ASIC2: variants seen among roughly 807,000 people sequenced by gnomAD.
ASIC2 encodes acid-sensing ion channel 2.
Under a neutral mutation model 57.3 loss-of-function variants are expected in ASIC2, and 25 were observed. The ratio of observed to expected loss-of-function variants is 0.44; its 90% CI spans 0.32 to 0.61. The LOEUF (loss-of-function observed/expected upper bound fraction) is 0.61. Ranked by LOEUF, ASIC2 falls within the 20% of genes least tolerant of loss-of-function variation. ASIC2 has a pLI of 0.06. For synonymous variants in ASIC2, 319 were observed against 307.5 expected (o/e 1.04, Z -0.39); for missense variants, 641 against 738.1 (o/e 0.87, Z 1.52).
chr17:33,497,921 G>T (rs1443935449), intron 1 of ASIC2, among the ~76,000 whole-genome samples: 1 of 152,216 alleles, frequency 6.6e-6, no homozygotes, highest in African/African-American at 2.4e-5. Flanking sequence ...AAGGAACGTG[G>T]TAAGTGATCC....
intron 1 of ASIC2, among the ~76,000 whole-genome samples, chr17:33,853,582 G>T (rs903500301): frequency 1.2e-4 from 18 of 152,316 alleles, no homozygotes; most frequent in African/African-American, 3.4e-4. Flanking sequence ...AGAGTCATGG[G>T]TGGCCCATTA....
At chr17:33,104,857 C>A (rs1419213146) in intron 2 of ASIC2, among the ~76,000 whole-genome samples, 1 of 152,084 alleles carries the variant, frequency 6.6e-6, no homozygotes, top group Non-Finnish European at 1.5e-5. Context: ...TAGGTATGTA[C>A]CCTTGGGAAG....
chr17:33,382,030 T>C (rs1253890595), intron 1 of ASIC2, among the ~76,000 whole-genome samples: 2 of 152,140 alleles, frequency 1.3e-5, no homozygotes, highest in Admixed American at 6.5e-5. Flanking sequence ...TAGGACCCCA[T>C]GTTAGTCCCA....
rs368568182 is a variant in ASIC2, at chr17:34,050,427, G to C, written c.555+105551C>G. Among the ~76,000 whole-genome samples the C allele has an allele frequency of 9.9e-5, 15 of 152,180 alleles. No individual in the cohort carries two copies. The East Asian group carries it at 1.2e-3, about 12-fold the overall frequency. Reference sequence around the variant, plus strand: ...GGGGAGGGGATGTGAAGGCTGGCACGGTTACTCATAAAGCTGCCTGGCTGC... The same window carrying C: ...GGGGAGGGGATGTGAAGGCTGGCACCGTTACTCATAAAGCTGCCTGGCTGC... On this transcript the variant is annotated intron_variant, in intron 1 of 9. Coordinates refer to the ASIC2 transcript ENST00000359872.
intron 1 of ASIC2, among the ~76,000 whole-genome samples, chr17:33,367,357 T>C (rs1011635316): frequency 1.3e-5 from 2 of 152,160 alleles, no homozygotes; most frequent in Non-Finnish European, 2.9e-5. Context: ...ATTGCTCAAG[T>C]GCTGGTGGCA....
intron 1 of ASIC2, among the ~76,000 whole-genome samples, chr17:34,091,290 G>A (rs1567817359): frequency 6.6e-6 from 1 of 152,234 alleles, no homozygotes. Flanking sequence ...ATGAAGATGT[G>A]ATAACCACAT....
intron 1 of ASIC2, among the ~76,000 whole-genome samples, chr17:33,800,347 G>C (rs140114171): frequency 6.6e-6 from 1 of 152,262 alleles, no homozygotes; most frequent in African/African-American, 2.4e-5. Flanking sequence ...GGAGGGCAGA[G>C]TTAGGTTTGG....
At chr17:33,558,271 A>G (rs934896175) in intron 1 of ASIC2, among the ~76,000 whole-genome samples, 1 of 152,068 alleles carries the variant, frequency 6.6e-6, no homozygotes, top group Admixed American at 6.6e-5. Flanking sequence ...AGAGTTTTCT[A>G]TTTTTATTCA....
chr17:33,326,579 T>C (rs1411587372), intron 1 of ASIC2, among the ~76,000 whole-genome samples: 4 of 152,200 alleles, frequency 2.6e-5, no homozygotes, highest in Non-Finnish European at 4.4e-5. Flanking sequence ...CTCAGTTGTC[T>C]AGCAATGAAG....
At chr17:33,268,884 A>G (rs1909580101) in intron 1 of ASIC2, among the ~76,000 whole-genome samples, 1 of 152,072 alleles carries the variant, frequency 6.6e-6, no homozygotes, top group South Asian at 2.1e-4. Context: ...CACCCCCAAC[A>G]CACTTGCTCT....
chr17:33,520,713 A>G (rs957819241), intron 1 of ASIC2, among the ~76,000 whole-genome samples: 1 of 152,216 alleles, frequency 6.6e-6, no homozygotes, highest in African/African-American at 2.4e-5. Flanking sequence ...AGCGGCCCCA[A>G]AGCTTAAAAC....
chr17:33,653,033 C>G (rs1306299032), intron 1 of ASIC2, among the ~76,000 whole-genome samples: 1 of 152,136 alleles, frequency 6.6e-6, no homozygotes, highest in East Asian at 1.9e-4. Context: ...TATGCCTTAG[C>G]TACATGTTCT....
chr17:33,399,627 A>T (rs768472896), intron 1 of ASIC2, among the ~76,000 whole-genome samples: 2 of 152,328 alleles, frequency 1.3e-5, no homozygotes, highest in Non-Finnish European at 2.9e-5. Flanking sequence ...ACTATGAATC[A>T]GCTTCTGCTT....
chr17:33,551,882 C>T (rs1915762749), intron 1 of ASIC2, among the ~76,000 whole-genome samples: 1 of 152,154 alleles, frequency 6.6e-6, no homozygotes, highest in South Asian at 2.1e-4. Flanking sequence ...CTCCCCAAAC[C>T]AGCTGCCACC....
At chr17:34,070,211 A>G (rs1319867480) in intron 1 of ASIC2, 1 of 151,992 alleles carries the variant, frequency 6.6e-6, no homozygotes, top group Admixed American at 6.5e-5. Flanking sequence ...TTTGCCTTCA[A>G]AGTGACCATA....
chr17:33,740,483 T>C (rs1363320263), intron 1 of ASIC2, among the ~76,000 whole-genome samples: 1 of 152,164 alleles, frequency 6.6e-6, no homozygotes, highest in African/African-American at 2.4e-5. Flanking sequence ...GAGAGCTCAC[T>C]ATCATGAGAA....
intron 1 of ASIC2, among the ~76,000 whole-genome samples, chr17:34,105,480 C>CTTTTTTTTTTTTTTTCTTTTTT (rs11305436): frequency 8.1e-6 from 1 of 122,884 alleles, no homozygotes; most frequent in Non-Finnish European, 1.7e-5. Context: ...TTTCATCTAC[C>CTTTTTTTTTTTTTTTCTTTTTT]TTTTTTTTTT....
intron 2 of ASIC2, among the ~76,000 whole-genome samples, chr17:33,104,077 G>C (rs1292768576): frequency 6.6e-6 from 1 of 152,076 alleles, no homozygotes; most frequent in African/African-American, 2.4e-5. Flanking sequence ...TCTCAGCCTC[G>C]TGTAATCTGC....
intron 1 of ASIC2, among the ~76,000 whole-genome samples, chr17:33,679,225 A>G (rs1198037320): frequency 6.6e-6 from 1 of 152,220 alleles, no homozygotes; most frequent in African/African-American, 2.4e-5. Context: ...GGAAGTGGAG[A>G]CATCCTTCAT....
Sources: gnomAD v4.1 joint callset for allele counts (sites outside exome capture counted in the v4.1 genomes callset) on GRCh38, gnomAD v4.1.1 for gene constraint, MANE v1.5 for transcripts, NCBI Gene and HGNC (gene_info 2026-07-23, HGNC 2026-07-21) for gene names.